The following SPTA1 variants were observed in gnomAD, a reference collection of about 807,000 sequenced individuals.
SPTA1 encodes the protein spectrin alpha, erythrocytic 1, also known as spectrin alpha chain, erythrocytic 1.
In SPTA1, 177 loss-of-function variants were observed where a neutral mutation model predicts 324.7. That is an observed-to-expected ratio of 0.55 (90% CI 0.48 to 0.62). The LOEUF (loss-of-function observed/expected upper bound fraction) is 0.62, where lower values mean the gene tolerates loss of function less well. Ranked by LOEUF, SPTA1 falls within the 20% of genes least tolerant of loss-of-function variation. SPTA1 has a pLI of 0.00. For missense variants in SPTA1, 3,162 were observed against 2,883.6 expected (o/e 1.10, Z -2.21); for synonymous variants, 1,195 against 1,041.3 (o/e 1.15, Z -2.84).
intron 51 of SPTA1, chr1:158,611,871 T>G (rs1190057791): frequency 6.1e-6 from 1 of 163,690 alleles, no homozygotes; most frequent in African/African-American, 2.4e-5. Context: ...TTCACTGTGC[T>G]GTTTGATTAC....
rs1364199567 is a variant in SPTA1, at chr1:158,639,901, C to T, written c.4844G>A (p.Ser1615Asn). 9.9e-6 allele frequency: 16 copies of T among 1,613,808 alleles called. No homozygotes were observed. The highest frequency in any genetic ancestry group is 2.7e-5 in the African/African-American group (2 of 74,884). ...GAGCCAGAACTCAAAGTCCCGGATG[C>T]TTGTGTTGAACCTCTGTTGACGACT... ...EASRQQRFNT[S>N]IRDFEFWLSE... is the part of the protein sequence containing the mutation. Residue 1615 changes from serine (S) to asparagine (N), a missense_variant, in exon 34 of 52, where the codon AGC becomes AAC. Transcript: ENST00000643759.
In SPTA1 at chr1:158,636,756, T is replaced by C; in HGVS notation, c.5195A>G (p.Lys1732Arg). The C allele has an allele frequency of 6.2e-7, 1 of 1,614,108 alleles. No homozygotes were observed. The highest frequency in any genetic ancestry group is 8.5e-7 in the Non-Finnish European group (1 of 1,179,992). ...LDDEESWIEEKLIRVSSQDYG... is the reference protein window; with the variant it reads ...LDDEESWIEERLIRVSSQDYG... ...GTCCTGGGAGCTCACTCGTATCAAC[T>C]TCTCCCTAAAATCAAGGAAGAAAAC... Residue 1732 changes from lysine (K) to arginine (R), a missense_variant, in exon 37 of 52, where the codon AAG becomes AGG. Transcript: ENST00000643759.
chr1:158,657,815 G>T, intron 18 of SPTA1, 121 bp from the exon 19 acceptor site: 2 of 1,041,370 alleles, frequency 1.9e-6, no homozygotes, highest in Non-Finnish European at 2.8e-6. Flanking sequence ...TTTAGTCGAC[G>T]TTATATTTTT....
chr1:158,644,484 AG>A (rs1356306099), intron 29 of SPTA1, 88 bp from the exon 30 acceptor site: 19 of 1,530,266 alleles, frequency 1.2e-5, no homozygotes, highest in Middle Eastern at 1.8e-4. Context: ...CATGACACAA[AG>A]GGTTTTGCAA....
At chr1:158,672,496 T>C (rs527916287) in intron 10 of SPTA1, among the ~76,000 whole-genome samples, 1 of 152,146 alleles carries the variant, frequency 6.6e-6, no homozygotes, top group African/African-American at 2.4e-5. Context: ...ATTTAAAAGG[T>C]AGGGAATGGG....
chr1:158,685,028 A>G (rs1417345950), intron 2 of SPTA1, 80 bp downstream of exon 2: 10 of 1,551,968 alleles, frequency 6.4e-6, no homozygotes, highest in Non-Finnish European at 8.9e-6. Context: ...ATACCCATTA[A>G]CATTAACATA....
intron 18 of SPTA1, 54 bp downstream of exon 18, chr1:158,661,233 C>T: frequency 6.2e-7 from 1 of 1,613,234 alleles, no homozygotes; most frequent in East Asian, 2.2e-5. Context: ...CAAACTTCTT[C>T]CCAGAGGTCT....
chr1:158,612,704 T>C, intron 51 of SPTA1, 113 bp downstream of exon 51: 2 of 1,163,802 alleles, frequency 1.7e-6, no homozygotes, highest in South Asian at 1.3e-5. Context: ...AAAGGGGAGG[T>C]CTGAAAAAAA....
intron 5 of SPTA1, among the ~76,000 whole-genome samples, chr1:158,679,003 GC>G (rs1465201537): frequency 3.9e-5 from 6 of 152,072 alleles, no homozygotes; most frequent in Non-Finnish European, 4.4e-5. Context: ...ATAGACACGT[GC>G]TTTCACGTAT....
Position 158,615,264 on chromosome 1 carries a change from T to G in SPTA1, c.6740A>C (p.Gln2247Pro). The change falls in exon 48 of 52, where the codon CAG becomes CCG. Residue 2247 changes from glutamine to proline, a missense_variant. By Grantham distance (76) the Gln-to-Pro change is moderately conservative (BLOSUM62 -1). Transcript: ENST00000643759. ...GLAQQWDQLY[Q>P]LGLRMQHNLE... ...GTTGTGTTGCATCCGCAACCCAAGC[T>G]GGTAGAGCTGGTCCCACTGCTGAGC... 1 of 1,613,904 alleles carries G rather than the reference T, an allele frequency of 6.2e-7. No individual in the cohort carries two copies. The highest frequency in any genetic ancestry group is 8.5e-7 in the Non-Finnish European group (1 of 1,180,018).
At chr1:158,656,471 G>T in intron 20 of SPTA1, 93 bp downstream of exon 20, 1 of 1,125,492 alleles carries the variant, frequency 8.9e-7, no homozygotes, top group Non-Finnish European at 1.3e-6. Flanking sequence ...CATTGTTTTT[G>T]GGGTTGTAGA....
chr1:158,622,099 A>G (rs1029908277), intron 43 of SPTA1, among the ~76,000 whole-genome samples: 3 of 152,184 alleles, frequency 2.0e-5, no homozygotes, highest in African/African-American at 7.2e-5. Context: ...CTTCTGATCT[A>G]GTGATCCACC....
At position 158,657,364 on chromosome 1, in the gene SPTA1, C is replaced by T. The variant is rs902969774; in HGVS notation, c.2805+113G>A. The T allele has an allele frequency of 2.6e-6, 3 of 1,143,020 alleles. No individual in the cohort carries two copies. The East Asian group carries it at 7.0e-5, about 27-fold the overall frequency. 70.8% of individuals were successfully genotyped at this position (1,143,020 alleles called of 1,614,324 possible). Reference sequence around the variant, plus strand: ...AGGCCAACGGCGACCACTCTGGAAACCCCAAATAATCTGGCAGAATCTGTA... The same window carrying T: ...AGGCCAACGGCGACCACTCTGGAAATCCCAAATAATCTGGCAGAATCTGTA... On this transcript the variant is annotated intron_variant, in intron 19 of 51. Coordinates refer to ENST00000643759, the MANE Select transcript of SPTA1 (RefSeq NM_003126.4).
chr1:158,638,586 G>A (rs760961146), intron 35 of SPTA1, among the ~76,000 whole-genome samples: 6 of 151,966 alleles, frequency 3.9e-5, no homozygotes, highest in Admixed American at 1.3e-4. Context: ...GAGAGGCCAA[G>A]GCGGTTGGAT....
intron 39 of SPTA1, among the ~76,000 whole-genome samples, chr1:158,634,178 AT>A (rs1289116000): frequency 6.6e-6 from 1 of 152,200 alleles, no homozygotes; most frequent in East Asian, 1.9e-4. Context: ...ACATAAGAAG[AT>A]TTTTTTCCAA....
chr1:158,617,408 G>A, intron 47 of SPTA1, 129 bp downstream of exon 47: 2 of 740,692 alleles, frequency 2.7e-6, no homozygotes, highest in Non-Finnish European at 4.9e-6. Context: ...ATGATGTGAT[G>A]GCCTATGGTT....
chr1:158,686,641 G>A lies in SPTA1; in HGVS notation c.-124C>T, dbSNP rs1655203813. The A allele has an allele frequency of 1.4e-5, 10 of 693,290 alleles. No homozygotes were observed. Among genetic ancestry groups the A allele is most frequent in the Admixed American group, 2.7e-5 (1 of 37,332 alleles). The allele number at this position is 693,290 out of a possible 1,614,324, so 42.9% of individuals were successfully genotyped here. A position where few individuals can be genotyped will look rare whatever the true frequency, so the allele number is the denominator to read the frequency against. On this transcript the variant is annotated 5_prime_UTR_variant, in exon 1 of 52. Transcript: ENST00000643759. ...AATATAGAAACGTTAAGTATGTGGG[G>A]GAAAAAAAAAAACCTCTTGCTTGGT...
chr1:158,653,342 C>T lies in SPTA1; in HGVS notation c.3120G>A (p.Pro1040=), dbSNP rs200809766. The change falls in exon 22 of 52, where the codon CCG becomes CCA. Residue 1040 remains proline (P), a synonymous_variant. Coordinates refer to ENST00000643759, the MANE Select transcript of SPTA1 (RefSeq NM_003126.4). ...CTTCTCGTCGCCGCTGTGGGAGCAT[C>T]GGGAACTCATCGTGGGCCAGTCTTC... ...YVRRLAHDEF[P]MLPQRRREEP... The T allele has an allele frequency of 3.5e-5, 57 of 1,613,954 alleles. No individual in the cohort carries two copies. The highest frequency in any genetic ancestry group is 4.6e-5 in the Non-Finnish European group (54 of 1,180,014).
At chr1:158,686,078 T>G (rs1227750930) in intron 1 of SPTA1, among the ~76,000 whole-genome samples, 1 of 152,242 alleles carries the variant, frequency 6.6e-6, no homozygotes, top group Non-Finnish European at 1.5e-5. Context: ...TTCTTCTGGA[T>G]ATGGATACCA....
Sources: allele counts gnomAD v4.1 joint callset (sites outside exome capture counted in the v4.1 genomes callset), GRCh38; gene constraint gnomAD v4.1.1; transcripts MANE v1.5; gene names NCBI Gene and HGNC (gene_info 2026-07-23, HGNC 2026-07-21).